Variants in CHCHD6 observed in about 807,000 individuals in gnomAD.
CHCHD6 encodes MICOS complex subunit MIC25.
CHCHD6 carries 28 observed loss-of-function variants against 32.3 expected under a neutral mutation model. The ratio of observed to expected loss-of-function variants is 0.87; its 90% CI spans 0.64 to 1.19. The LOEUF (loss-of-function observed/expected upper bound fraction) is 1.19, where lower values mean the gene tolerates loss of function less well. CHCHD6 is among the 50% of genes most tolerant of loss of function. The pLI, the probability that CHCHD6 is intolerant of heterozygous loss-of-function variation, is 0.00. For missense variants in CHCHD6, 333 were observed against 307.0 expected (o/e 1.08, Z -0.63); for synonymous variants, 122 against 117.5 (o/e 1.04, Z -0.25).
chr3:126,782,316 T>C (rs562223917), intron 4 of CHCHD6, among the ~76,000 whole-genome samples: 3 of 152,370 alleles, frequency 2.0e-5, no homozygotes, highest in African/African-American at 7.2e-5. Flanking sequence ...TCTCTCCTAG[T>C]CTTTGGATGT....
intron 6 of CHCHD6, among the ~76,000 whole-genome samples, chr3:126,919,090 A>G (rs555517121): frequency 3.3e-5 from 5 of 152,252 alleles, no homozygotes; most frequent in Admixed American, 2.0e-4. Flanking sequence ...TTTGAAAATT[A>G]TTGAAACTTG....
At position 126,806,058 on chromosome 3, in the gene CHCHD6, G is replaced by A. The variant is rs1041304160; in HGVS notation, c.412-46589G>A. On this transcript the variant is annotated intron_variant, in intron 4 of 7. Coordinates refer to ENST00000290913, the MANE Select transcript of CHCHD6 (RefSeq NM_032343.3). ...CTTATACAAAAATTAATTCAAGATG[G>A]ATTAAAGACTTAAATATTAGACCTA... Among the ~76,000 whole-genome samples the A allele has an allele frequency of 7.9e-5, 12 of 152,160 alleles. No homozygotes were observed. In the South Asian group the frequency reaches 1.2e-3, roughly 16 times the overall value.
At chr3:126,781,292 C>T (rs1012729247) in intron 4 of CHCHD6, among the ~76,000 whole-genome samples, 4 of 152,184 alleles carry the variant, frequency 2.6e-5, no homozygotes, top group African/African-American at 4.8e-5. Context: ...CAGACATACA[C>T]GCACAGAGGT....
chr3:126,806,057 G>A lies in CHCHD6; in HGVS notation c.412-46590G>A, dbSNP rs944396046. ...CCTTATACAAAAATTAATTCAAGAT[G>A]GATTAAAGACTTAAATATTAGACCT... On this transcript the variant is annotated intron_variant, in intron 4 of 7. Coordinates refer to ENST00000290913, the MANE Select transcript of CHCHD6 (RefSeq NM_032343.3). Among the ~76,000 whole-genome samples the A allele has an allele frequency of 7.9e-5, 12 of 152,054 alleles. No homozygotes were observed. In the South Asian group the frequency reaches 1.2e-3, roughly 16 times the overall value.
intron 4 of CHCHD6, among the ~76,000 whole-genome samples, chr3:126,818,952 G>A (rs572024304): frequency 1.3e-5 from 2 of 152,324 alleles, no homozygotes; most frequent in South Asian, 2.1e-4. Flanking sequence ...ATGAGTGAAT[G>A]TTTGCTAAGG....
chr3:126,799,020 G>T (rs1559850415), intron 4 of CHCHD6, among the ~76,000 whole-genome samples: 1 of 152,140 alleles, frequency 6.6e-6, no homozygotes, highest in Non-Finnish European at 1.5e-5. Context: ...GTGCTGGTGA[G>T]GTGTTCCCTT....
At chr3:126,862,180 T>C (rs1576511849) in intron 5 of CHCHD6, among the ~76,000 whole-genome samples, 3 of 69,490 alleles carry the variant, frequency 4.3e-5, no homozygotes, top group South Asian at 7.6e-4. Context: ...CACCACCTCC[T>C]CCTCCACCAT....
chr3:126,923,943 C>T (rs1008534755), intron 6 of CHCHD6, among the ~76,000 whole-genome samples: 2 of 152,288 alleles, frequency 1.3e-5, no homozygotes, highest in South Asian at 4.2e-4. Flanking sequence ...ACATAGGAGC[C>T]CACAGCTCTC....
intron 4 of CHCHD6, among the ~76,000 whole-genome samples, chr3:126,822,563 T>C (rs1227824397): frequency 6.6e-6 from 1 of 152,214 alleles, no homozygotes; most frequent in Admixed American, 6.5e-5. Context: ...CCTTGAAATT[T>C]TCTATGGATT....
At chr3:126,780,668 A>G (rs1937892169) in intron 4 of CHCHD6, among the ~76,000 whole-genome samples, 1 of 151,938 alleles carries the variant, frequency 6.6e-6, no homozygotes, top group Non-Finnish European at 1.5e-5. Context: ...TGGTCATCCT[A>G]CCTCTGTGGT....
At chr3:126,716,824 G>C (rs112657008) in intron 1 of CHCHD6, among the ~76,000 whole-genome samples, 5 of 152,108 alleles carry the variant, frequency 3.3e-5, no homozygotes, top group Admixed American at 1.3e-4. Context: ...GGGTTGATAG[G>C]GGGGCTGGTT....
At chr3:126,871,418 C>T (rs528958371) in intron 5 of CHCHD6, among the ~76,000 whole-genome samples, 2 of 152,220 alleles carry the variant, frequency 1.3e-5, no homozygotes, top group South Asian at 2.1e-4. Flanking sequence ...GGTGCTTCTA[C>T]GAAAACTTCC....
At chr3:126,705,647 A>G (rs991090488) in intron 1 of CHCHD6, among the ~76,000 whole-genome samples, 1 of 152,194 alleles carries the variant, frequency 6.6e-6, no homozygotes, top group African/African-American at 2.4e-5. Context: ...GAGATGAATG[A>G]ACCCAGTAAA....
chr3:126,887,476 TG>T (rs2077694046), intron 5 of CHCHD6, among the ~76,000 whole-genome samples: 1 of 152,118 alleles, frequency 6.6e-6, no homozygotes, highest in South Asian at 2.1e-4. Flanking sequence ...TGGAGGCTCG[TG>T]TGGGAAGATC....
intron 4 of CHCHD6, among the ~76,000 whole-genome samples, chr3:126,804,838 A>C (rs1379348559): frequency 6.6e-6 from 1 of 152,192 alleles, no homozygotes; most frequent in African/African-American, 2.4e-5. Flanking sequence ...AGCACATCAA[A>C]AAGCTTATCC....
intron 6 of CHCHD6, among the ~76,000 whole-genome samples, chr3:126,944,058 T>C (rs1312137132): frequency 6.6e-6 from 1 of 152,152 alleles, no homozygotes; most frequent in Non-Finnish European, 1.5e-5. Flanking sequence ...TGCCAAACAG[T>C]GCATGAAAGG....
At chr3:126,907,762 C>T (rs1009051830) in intron 5 of CHCHD6, among the ~76,000 whole-genome samples, 14 of 152,202 alleles carry the variant, frequency 9.2e-5, no homozygotes, top group African/African-American at 3.4e-4. Flanking sequence ...CCAACCTGCA[C>T]TAATTTTGCT....
At chr3:126,947,537 A>C (rs2078656405) in intron 6 of CHCHD6, among the ~76,000 whole-genome samples, 2 of 152,156 alleles carry the variant, frequency 1.3e-5, no homozygotes, top group African/African-American at 4.8e-5. Flanking sequence ...CACTCTTCCT[A>C]TCCCGGGCCC....
chr3:126,938,884 C>T (rs1407968942), intron 6 of CHCHD6, among the ~76,000 whole-genome samples: 1 of 152,210 alleles, frequency 6.6e-6, no homozygotes, highest in African/African-American at 2.4e-5. Context: ...AAGCTCCCTG[C>T]ATGTTGGGCT....
Sources: allele counts gnomAD v4.1 joint callset (sites outside exome capture counted in the v4.1 genomes callset), GRCh38; gene constraint gnomAD v4.1.1; transcripts MANE v1.5; gene names NCBI Gene and HGNC (gene_info 2026-07-23, HGNC 2026-07-21).